Variants in SERP1 observed in about 807,000 individuals in gnomAD.
The protein encoded by SERP1 is stress associated endoplasmic reticulum protein 1.
In SERP1, 6 loss-of-function variants were observed where a neutral mutation model predicts 8.8. That is an observed-to-expected ratio of 0.68 (90% CI 0.37 to 1.35). The LOEUF (loss-of-function observed/expected upper bound fraction) is 1.35, where lower values mean the gene tolerates loss of function less well. SERP1 is among the 40% of genes most tolerant of loss of function. The pLI is 0.02. For missense variants in SERP1, 52 were observed against 86.2 expected, an observed-to-expected ratio of 0.60 and a Z score of 1.57; for synonymous variants, 36 against 28.7, an observed-to-expected ratio of 1.25 and a Z score of -0.81.
Position 150,545,975 on chromosome 3 carries a change from G to A in SERP1, c.84+77C>T, listed in dbSNP as rs1009816815. ...AGCCCACGGTCGGCCGGATCCGGGAGAAAACGCGACGCGGCCCCAGGGACC... is the reference window on the plus strand; with the variant it reads ...AGCCCACGGTCGGCCGGATCCGGGAAAAAACGCGACGCGGCCCCAGGGACC... On this transcript the variant is annotated intron_variant, in intron 1 of 2. Coordinates refer to ENST00000239944, the MANE Select transcript of SERP1 (RefSeq NM_014445.4). The A allele has an allele frequency of 2.5e-6, 4 of 1,581,282 alleles. No individual in the cohort carries two copies. In the African/African-American group the frequency reaches 5.4e-5, roughly 21 times the overall value.
In SERP1 at chr3:150,546,419, C is replaced by G; in HGVS notation, c.-284G>C. The G allele has an allele frequency of 1.8e-6, 1 of 552,274 alleles. No individual in the cohort carries two copies. Among genetic ancestry groups the G allele is most frequent in the South Asian group, 2.3e-5 (1 of 43,360 alleles). 34.2% of individuals were successfully genotyped at this position (552,274 alleles called of 1,614,324 possible). On this transcript the variant is annotated 5_prime_UTR_variant, in exon 1 of 3. Coordinates refer to ENST00000239944, the MANE Select transcript of SERP1 (RefSeq NM_014445.4). ...CGCGCCGCCGTCGCCGCCGCTTTGG[C>G]CGCCGCCGTGAGCGCGGAGTGAAAG...
rs768053304 is a variant in SERP1 at position 150,544,387 on chromosome 3, G to C, written c.*71C>G. The C allele has an allele frequency of 6.1e-6, 8 of 1,320,340 alleles. No individual in the cohort carries two copies. Among genetic ancestry groups the C allele is most frequent in the Non-Finnish European group, 8.7e-6 (8 of 914,638 alleles). 81.8% of individuals were successfully genotyped at this position (1,320,340 alleles called of 1,614,324 possible). On this transcript the variant is annotated 3_prime_UTR_variant, in exon 3 of 3. Coordinates refer to ENST00000239944, the MANE Select transcript of SERP1 (RefSeq NM_014445.4). ...GCTTTACTGAATTGTTTTCAACCAG[G>C]GTATCAAACATCAGGAATGAGTTCA...
intron 1 of SERP1, 62 bp downstream of exon 1, chr3:150,545,990 C>G: frequency 6.3e-7 from 1 of 1,595,252 alleles, no homozygotes; most frequent in Non-Finnish European, 8.6e-7. Flanking sequence ...CGCGACGCGG[C>G]CCCAGGGACC....
chr3:150,545,939 T>C (rs879020290), intron 1 of SERP1, 113 bp downstream of exon 1: 2 of 1,451,748 alleles, frequency 1.4e-6, no homozygotes, highest in African/African-American at 2.8e-5. Context: ...CCCCTACCCC[T>C]CCACGGCACC....
rs988478283 is a variant in SERP1 at position 150,542,102 on chromosome 3, T to C, written c.*2356A>G. 1.3e-5 allele frequency: 2 copies of C among 152,210 alleles called. No individual in the cohort carries two copies. The highest frequency in any genetic ancestry group is 2.4e-5 in the African/African-American group (1 of 41,460). The allele number at this position is 152,210 out of a possible 1,614,324, so 9.4% of individuals were successfully genotyped here. A position where few individuals can be genotyped will look rare whatever the true frequency, so the allele number is the denominator to read the frequency against. On this transcript the variant is annotated 3_prime_UTR_variant, in exon 3 of 3. Transcript: ENST00000239944. The stretch of plus-strand genomic sequence containing the variant: ...GTCCACTTAATTATTTTGAGCAACA[T>C]TATATACAACCCAACAGATACAATT...
At position 150,544,250 on chromosome 3, in the gene SERP1, G is replaced by A; in HGVS notation, c.*208C>T. Reference sequence around the variant, plus strand: ...AATCAAATTTTATTGCTTTATTCATGTGGTGTTTTTTGCAAGGCACTGTGG... The same window carrying A: ...AATCAAATTTTATTGCTTTATTCATATGGTGTTTTTTGCAAGGCACTGTGG... On this transcript the variant is annotated 3_prime_UTR_variant, in exon 3 of 3. Transcript: ENST00000239944. 1 of 553,258 alleles carries A rather than the reference G, an allele frequency of 1.8e-6. No homozygotes were observed. Among genetic ancestry groups the A allele is most frequent in the East Asian group, 3.0e-5 (1 of 33,604 alleles). The allele number at this position is 553,258 out of a possible 1,614,324, so 34.3% of individuals were successfully genotyped here. A position where few individuals can be genotyped will look rare whatever the true frequency, so the allele number is the denominator to read the frequency against.
chr3:150,545,926 G>T (rs1722989007), intron 1 of SERP1, 126 bp downstream of exon 1: 3 of 1,394,548 alleles, frequency 2.2e-6, no homozygotes, highest in African/African-American at 2.8e-5. Flanking sequence ...TCGCAGACTC[G>T]GGCCCCTACC....
In SERP1 at chr3:150,544,191, A is replaced by C. The variant is rs1303440629; in HGVS notation, c.*267T>G. The C allele has an allele frequency of 2.6e-6, 1 of 389,248 alleles. No individual in the cohort carries two copies. The highest frequency in any genetic ancestry group is 4.6e-6 in the Non-Finnish European group (1 of 216,510). 24.1% of individuals were successfully genotyped at this position (389,248 alleles called of 1,614,324 possible). The stretch of plus-strand genomic sequence containing the variant: ...ACATAAAAAAACTTACTCTTAATTG[A>C]CTGAATAAGTAGGGTCCACTACTGT... On this transcript the variant is annotated 3_prime_UTR_variant, in exon 3 of 3. Coordinates refer to ENST00000239944, the MANE Select transcript of SERP1 (RefSeq NM_014445.4).
At chr3:150,545,424 G>C in intron 2 of SERP1, 1 of 451,230 alleles carries the variant, frequency 2.2e-6, no homozygotes, top group Non-Finnish European at 3.9e-6. Flanking sequence ...GTTAGGTTTT[G>C]TCCGGTCTTA....
chr3:150,545,522 G>A, intron 2 of SERP1, 181 bp downstream of exon 2: 1 of 609,432 alleles, frequency 1.6e-6, no homozygotes. Context: ...AGTTTCTGGA[G>A]CACCACCCTC....
rs1213288859 is a variant in SERP1 at position 150,546,098 on chromosome 3, T to C, written c.38A>G (p.Lys13Arg). 1 of 1,613,822 alleles carries C rather than the reference T, an allele frequency of 6.2e-7. No homozygotes were observed. The highest frequency in any genetic ancestry group is 1.7e-5 in the Admixed American group (1 of 60,032). ...AKQRIRMANE[K>R]HSKNITQRGN... Reference sequence around the variant, plus strand: ...GCGCTGGGTGATGTTCTTGCTGTGCTTCTCGTTGGCCATACGGATCCTTTG... The same window carrying C: ...GCGCTGGGTGATGTTCTTGCTGTGCCTCTCGTTGGCCATACGGATCCTTTG... The change falls in exon 1 of 3, where the codon AAG (lysine) becomes AGG (arginine). Residue 13 changes from lysine (K) to arginine (R), a missense_variant. Lys to Arg is a conservative substitution (Grantham distance 26). Transcript: ENST00000239944.
chr3:150,546,261 GAC>G lies in SERP1; in HGVS notation c.-128_-127del. 2 of 1,089,604 alleles carry G rather than the reference GAC, an allele frequency of 1.8e-6. No homozygotes were observed. Among genetic ancestry groups the G allele is most frequent in the Non-Finnish European group, 1.3e-6 (1 of 753,226 alleles). The allele number at this position is 1,089,604 out of a possible 1,614,324, so 67.5% of individuals were successfully genotyped here. On this transcript the variant is annotated 5_prime_UTR_variant, in exon 1 of 3. Coordinates refer to ENST00000239944, the MANE Select transcript of SERP1 (RefSeq NM_014445.4). ...CCGGAGCGCCGAGGTTCTCAGGCCA[GAC>G]GCTAGCTACGGCCGCTGGGCCTGGG...
In SERP1 at chr3:150,546,317, C is replaced by T. The variant is rs1723016075; in HGVS notation, c.-182G>A. The T allele has an allele frequency of 1.6e-6, 1 of 644,622 alleles. No homozygotes were observed. Among genetic ancestry groups the T allele is most frequent in the South Asian group, 2.0e-5 (1 of 49,576 alleles). 39.9% of individuals were successfully genotyped at this position (644,622 alleles called of 1,614,324 possible). A position where few individuals can be genotyped will look rare whatever the true frequency, so the allele number is the denominator to read the frequency against. On this transcript the variant is annotated 5_prime_UTR_variant, in exon 1 of 3. Coordinates refer to ENST00000239944, the MANE Select transcript of SERP1 (RefSeq NM_014445.4). ...CGCAAGCGCGAGGTCTGAGCACAAGCCGGGCGCCGGCCGCCGACTGACTGA... is the reference window on the plus strand; with the variant it reads ...CGCAAGCGCGAGGTCTGAGCACAAGTCGGGCGCCGGCCGCCGACTGACTGA...
Position 150,546,485 on chromosome 3 carries a change from C to A in SERP1, c.-350G>T. On this transcript the variant is annotated 5_prime_UTR_variant, in exon 1 of 3. Coordinates refer to ENST00000239944, the MANE Select transcript of SERP1 (RefSeq NM_014445.4). ...CGCAACAACGGGAATGTGCAGCCCG[C>A]CGCCTCGATCTACTTTGGGTTCGGC... 1 of 571,806 alleles carries A rather than the reference C, an allele frequency of 1.7e-6. No individual in the cohort carries two copies. Among genetic ancestry groups the A allele is most frequent in the East Asian group, 2.9e-5 (1 of 34,064 alleles). 35.4% of individuals were successfully genotyped at this position (571,806 alleles called of 1,614,324 possible).
intron 2 of SERP1, 71 bp from the exon 3 acceptor site, chr3:150,544,569 T>G: frequency 1.6e-6 from 2 of 1,259,202 alleles, no homozygotes; most frequent in Non-Finnish European, 2.3e-6. Context: ...CAAATATTTA[T>G]TAAGGTAGCT....
intron 2 of SERP1, 175 bp downstream of exon 2, chr3:150,545,528 C>T: frequency 4.8e-6 from 3 of 627,798 alleles, no homozygotes; most frequent in Non-Finnish European, 8.4e-6. Flanking sequence ...TGGAGCACCA[C>T]CCTCTGTGCA....
chr3:150,545,518 T>C, intron 2 of SERP1, 185 bp downstream of exon 2: 1 of 598,048 alleles, frequency 1.7e-6, no homozygotes, highest in South Asian at 2.2e-5. Context: ...GAGAAGTTTC[T>C]GGAGCACCAC....
chr3:150,545,580 G>A (rs1390218762), intron 2 of SERP1, 123 bp downstream of exon 2: 2 of 885,290 alleles, frequency 2.3e-6, no homozygotes, highest in Non-Finnish European at 1.8e-6. Flanking sequence ...ACAGAATTAT[G>A]TGGAGTCCTC....
chr3:150,542,574 A>C lies in SERP1; in HGVS notation c.*1884T>G, dbSNP rs1722896845. The C allele has an allele frequency of 6.6e-6, 1 of 152,268 alleles. No individual in the cohort carries two copies. Among genetic ancestry groups the C allele is most frequent in the Non-Finnish European group, 1.5e-5 (1 of 68,034 alleles). The allele number at this position is 152,268 out of a possible 1,614,324, so 9.4% of individuals were successfully genotyped here. On this transcript the variant is annotated 3_prime_UTR_variant, in exon 3 of 3. Coordinates refer to ENST00000239944, the MANE Select transcript of SERP1 (RefSeq NM_014445.4). ...AGTAAGACACAGCTTTCGTTTACCTAAACATGCATAATCCAACCTGAATAT... is the reference window on the plus strand; with the variant it reads ...AGTAAGACACAGCTTTCGTTTACCTCAACATGCATAATCCAACCTGAATAT...
Sources: gnomAD v4.1 joint callset for allele counts on GRCh38, gnomAD v4.1.1 for gene constraint, MANE v1.5 for transcripts, NCBI Gene and HGNC (gene_info 2026-07-23, HGNC 2026-07-21) for gene names.